The following EXPH5 variants were observed in gnomAD, a reference collection of about 807,000 sequenced individuals.
EXPH5 encodes exophilin 5.
Under a neutral mutation model 41.1 loss-of-function variants are expected in EXPH5, and 42 were observed. That is an observed-to-expected ratio of 1.02 (90% confidence interval 0.80 to 1.32). The LOEUF (loss-of-function observed/expected upper bound fraction) is 1.32, where lower values mean the gene tolerates loss of function less well. Ranked by LOEUF, EXPH5 falls within the 40% of genes most tolerant of loss-of-function variation. The pLI is 0.00. For synonymous variants in EXPH5, 798 were observed against 833.5 expected, an observed-to-expected ratio of 0.96 and a Z score of 0.73; for missense variants, 2,298 against 2,314.5, an observed-to-expected ratio of 0.99 and a Z score of 0.15.
intron 5 of EXPH5, among the ~76,000 whole-genome samples, chr11:108,516,656 T>TA (rs1028897508): frequency 3.9e-5 from 6 of 152,218 alleles, no homozygotes; most frequent in African/African-American, 1.2e-4. Context: ...TAAAGGGATT[T>TA]AAAAAAATCT....
chr11:108,571,852 A>C (rs2094061288), intron 1 of EXPH5, among the ~76,000 whole-genome samples: 1 of 152,050 alleles, frequency 6.6e-6, no homozygotes, highest in Admixed American at 6.5e-5. Flanking sequence ...TGAGGTCAGG[A>C]GATCGAGACC....
At chr11:108,539,864 T>C (rs1299260198) in intron 2 of EXPH5, among the ~76,000 whole-genome samples, 1 of 152,206 alleles carries the variant, frequency 6.6e-6, no homozygotes, top group Non-Finnish European at 1.5e-5. Context: ...TTTCAGCTTA[T>C]ATAATGCAAA....
chr11:108,551,356 A>C (rs2093964057), intron 1 of EXPH5, among the ~76,000 whole-genome samples: 1 of 152,244 alleles, frequency 6.6e-6, no homozygotes, highest in Non-Finnish European at 1.5e-5. Flanking sequence ...GCAGTTATGC[A>C]AGTTTGAAAA....
At chr11:108,539,255 CT>C in intron 2 of EXPH5, 69 bp from the exon 3 acceptor site, 3 of 1,184,278 alleles carry the variant, frequency 2.5e-6, no homozygotes, top group Non-Finnish European at 3.6e-6. Flanking sequence ...AGAATGAAGC[CT>C]TTGCTCTTGT....
intron 1 of EXPH5, among the ~76,000 whole-genome samples, chr11:108,577,872 G>A (rs74912136): frequency 0.039 from 5,962 of 152,006 alleles, 124 homozygotes; most frequent in Middle Eastern, 0.048. Context: ...CAGATCTTTC[G>A]TCCATTTTAA....
At chr11:108,577,975 C>A (rs1022183067) in intron 1 of EXPH5, among the ~76,000 whole-genome samples, 2 of 152,060 alleles carry the variant, frequency 1.3e-5, no homozygotes, top group African/African-American at 4.8e-5. Context: ...AATATTTTCT[C>A]TCATTCTGTA....
At chr11:108,596,134 G>T (rs142767042), upstream of EXPH5, among the ~76,000 whole-genome samples, 1 of 152,018 alleles carries the variant, frequency 6.6e-6, no homozygotes, top group Non-Finnish European at 1.5e-5. Context: ...GGCGGAGGTT[G>T]CAGTGAGCCG....
At chr11:108,579,257 T>A (rs1404938375) in intron 1 of EXPH5, among the ~76,000 whole-genome samples, 1 of 151,948 alleles carries the variant, frequency 6.6e-6, no homozygotes. Flanking sequence ...TTTTTTGACA[T>A]CTATTAAAAT....
In EXPH5 at chr11:108,508,370, G is replaced by A. The variant is rs113039056; in HGVS notation, c.*1167C>T. The A allele has an allele frequency of 0.021, 3,144 of 152,474 alleles. 127 individuals carry two copies. The highest frequency in any genetic ancestry group is 0.072 in the African/African-American group (2,992 of 41,468). 9.4% of individuals were successfully genotyped at this position (152,474 alleles called of 1,614,324 possible). On this transcript the variant is annotated 3_prime_UTR_variant, in exon 6 of 6. Coordinates refer to ENST00000265843, the MANE Select transcript of EXPH5 (RefSeq NM_015065.3). ...ATATTAGCTGGGCGTGGCAGCGTGC[G>A]CCTGGGTGCGCCTGTGATCCCAGCT...
intron 1 of EXPH5, among the ~76,000 whole-genome samples, chr11:108,558,145 G>A (rs1167840289): frequency 6.6e-6 from 1 of 151,770 alleles, no homozygotes; most frequent in East Asian, 1.9e-4. Context: ...GTTTCACCAT[G>A]TTGTCCAGGC....
intron 4 of EXPH5, among the ~76,000 whole-genome samples, chr11:108,527,116 T>G (rs1317408888): frequency 6.6e-6 from 1 of 152,042 alleles, no homozygotes; most frequent in Non-Finnish European, 1.5e-5. Context: ...GGCCAGGAGT[T>G]CAAAACCAGC....
At position 108,511,608 on chromosome 11, in the gene EXPH5, T is replaced by A; in HGVS notation, c.3899A>T (p.Tyr1300Phe). The A allele has an allele frequency of 6.2e-7, 1 of 1,612,414 alleles. No homozygotes were observed. Among genetic ancestry groups the A allele is most frequent in the Non-Finnish European group, 8.5e-7 (1 of 1,179,664 alleles). The change falls in exon 6 of 6, where the codon TAT (tyrosine) becomes TTT (phenylalanine). Residue 1300 changes from tyrosine to phenylalanine, a missense_variant. Transcript: ENST00000265843. Reference sequence around the variant, plus strand: ...TGTTCCTGACTGCTCTCGTGTAGAATAATTCTGTTTGTCTTTTTCTAAAGC... The same window carrying A: ...TGTTCCTGACTGCTCTCGTGTAGAAAAATTCTGTTTGTCTTTTTCTAAAGC... ...PNALEKDKQNYSTREQSGTPS... is the reference protein window; with the variant it reads ...PNALEKDKQNFSTREQSGTPS...
chr11:108,577,104 C>T (rs2094082326), intron 1 of EXPH5, among the ~76,000 whole-genome samples: 1 of 152,148 alleles, frequency 6.6e-6, no homozygotes, highest in Non-Finnish European at 1.5e-5. Flanking sequence ...ATTATGTACA[C>T]TAATGTATAT....
chr11:108,543,888 AT>A (rs1441898983), intron 1 of EXPH5, among the ~76,000 whole-genome samples: 7 of 152,050 alleles, frequency 4.6e-5, no homozygotes, highest in African/African-American at 1.7e-4. Flanking sequence ...TTGCTACTTC[AT>A]TTATTAACAG....
At chr11:108,516,107 C>G (rs2093725235) in intron 5 of EXPH5, among the ~76,000 whole-genome samples, 1 of 150,944 alleles carries the variant, frequency 6.6e-6, no homozygotes, top group African/African-American at 2.4e-5. Flanking sequence ...AAAAAACTCA[C>G]TTTTCATATT....
intron 1 of EXPH5, among the ~76,000 whole-genome samples, chr11:108,568,420 C>T (rs1439545883): frequency 4.6e-5 from 7 of 152,110 alleles, no homozygotes; most frequent in Non-Finnish European, 2.9e-5. Context: ...CAGCTTCTCT[C>T]CCAGAAGTCC....
At position 108,513,691 on chromosome 11, in the gene EXPH5, C is replaced by T; in HGVS notation, c.1816G>A (p.Val606Ile). Residue 606 changes from valine to isoleucine, a missense_variant, in exon 6 of 6, where the codon GTA (valine) becomes ATA (isoleucine). Transcript: ENST00000265843. ...GCTTCTTTGTTTATATGTACTTCTA[C>T]AGGAGAACTGTCCTGTTGACTTACC... ...ELVSQQDSSP[V>I]EVHINKEASS... 6.2e-7 allele frequency: 1 copy of T among 1,612,974 alleles called. No individual in the cohort carries two copies. Among genetic ancestry groups the T allele is most frequent in the Non-Finnish European group, 8.5e-7 (1 of 1,179,576 alleles).
chr11:108,510,119 A>T lies in EXPH5; in HGVS notation c.5388T>A (p.Ser1796Arg). Reference sequence around the variant, plus strand: ...CGCCATGAACATTAATGCTTTTTAAACTCTTTGAACGATAGAGGTGTGGCT... The same window carrying T: ...CGCCATGAACATTAATGCTTTTTAATCTCTTTGAACGATAGAGGTGTGGCT... Reference protein sequence around the residue: ...EPEPHLYRSKSLKSINVHGDL... With the variant: ...EPEPHLYRSKRLKSINVHGDL... The change falls in exon 6 of 6, where the codon AGT becomes AGA. Residue 1796 changes from serine to arginine, a missense_variant. Physicochemically the swap from Ser to Arg is moderately radical, Grantham distance 110. Transcript: ENST00000265843. The T allele has an allele frequency of 6.2e-7, 1 of 1,613,430 alleles. No individual in the cohort carries two copies. Among genetic ancestry groups the T allele is most frequent in the South Asian group, 1.1e-5 (1 of 90,966 alleles).
chr11:108,515,276 T>A (rs533741650), intron 5 of EXPH5, among the ~76,000 whole-genome samples: 1 of 152,336 alleles, frequency 6.6e-6, no homozygotes, highest in Non-Finnish European at 1.5e-5. Context: ...TTAGTATTAT[T>A]AAGCCTTGTC....
Sources: allele counts gnomAD v4.1 joint callset (sites outside exome capture counted in the v4.1 genomes callset), GRCh38; gene constraint gnomAD v4.1.1; transcripts MANE v1.5; gene names NCBI Gene and HGNC (gene_info 2026-07-23, HGNC 2026-07-21).